Variants in EP300 observed in about 807,000 individuals in gnomAD.
The protein encoded by EP300 is histone acetyltransferase p300.
In EP300, 31 loss-of-function variants were observed where a neutral mutation model predicts 264.0. That is an observed-to-expected ratio of 0.12 (90% CI 0.09 to 0.16). The LOEUF is 0.16. Ranked by LOEUF, EP300 falls within the 10% of genes least tolerant of loss-of-function variation. The probability of loss-of-function intolerance (pLI) is 1.00; values close to 1 mark genes in which losing one functional copy is unlikely to be tolerated. For missense variants in EP300, 2,766 were observed against 3,052.9 expected, an observed-to-expected ratio of 0.91 and a Z score of 2.21; for synonymous variants, 1,340 against 1,045.4, an observed-to-expected ratio of 1.28 and a Z score of -5.44.
chr22:41,178,206 T>A lies in EP300; in HGVS notation c.6495T>A (p.Ala2165=), dbSNP rs150898820. Residue 2165 remains alanine (A), a synonymous_variant, in exon 31 of 31, where the codon GCT becomes GCA. Coordinates refer to ENST00000263253, the MANE Select transcript of EP300 (RefSeq NM_001429.4). ...CCATGGGAGGGATGAGCCCCCAGGC[T>A]CAGCAGATGAACATGAACCACAACA... The part of the protein sequence containing the change: ...QPPMGGMSPQ[A]QQMNMNHNTM... 1 of 1,613,796 alleles carries A rather than the reference T, an allele frequency of 6.2e-7. No homozygotes were observed. Among genetic ancestry groups the A allele is most frequent in the East Asian group, 2.2e-5 (1 of 44,834 alleles).
intron 1 of EP300, among the ~76,000 whole-genome samples, chr22:41,109,431 C>T (rs2058776551): frequency 6.6e-6 from 1 of 152,044 alleles, no homozygotes; most frequent in African/African-American, 2.4e-5. Context: ...GTATGAACTT[C>T]TGAGGTTGTT....
chr22:41,129,871 T>A lies in EP300; in HGVS notation c.1169-19T>A, dbSNP rs1041993716. 1 of 1,596,262 alleles carries A rather than the reference T, an allele frequency of 6.3e-7. No individual in the cohort carries two copies. The highest frequency in any genetic ancestry group is 1.7e-5 in the Admixed American group (1 of 59,984). On this transcript the variant is annotated intron_variant, in intron 4 of 30. Coordinates refer to ENST00000263253, the MANE Select transcript of EP300 (RefSeq NM_001429.4). ...AAACATTAACCTGCTCTTGAAAAAA[T>A]ATGTTTTCTTCTCTTTAGTGGCACA...
At position 41,174,875 on chromosome 22, in the gene EP300, T is replaced by C. The variant is rs188102682; in HGVS notation, c.4779+1091T>C. 3.9e-5 allele frequency: 6 copies of C among 152,302 alleles called. No individual in the cohort carries two copies. The East Asian group carries it at 7.7e-4, about 20-fold the overall frequency. The allele number at this position is 152,302 out of a possible 1,614,324, so 9.4% of individuals were successfully genotyped here. A position where few individuals can be genotyped will look rare whatever the true frequency, so the allele number is the denominator to read the frequency against. The stretch of plus-strand genomic sequence containing the variant: ...ATCTTTTTTAGAGAGGAATTTGTTA[T>C]AATGATGTTATCATGGTGAACACCT... On this transcript the variant is annotated intron_variant, in intron 29 of 30. Transcript: ENST00000263253.
At chr22:41,151,101 C>T (rs552291998) in intron 14 of EP300, among the ~76,000 whole-genome samples, 1 of 151,752 alleles carries the variant, frequency 6.6e-6, no homozygotes, top group African/African-American at 2.4e-5. Flanking sequence ...ACTTTGATAC[C>T]GATATTAATA....
chr22:41,178,564 C>T lies in EP300; in HGVS notation c.6853C>T (p.Leu2285Phe), dbSNP rs1046681500. 2 of 1,614,072 alleles carry T rather than the reference C, an allele frequency of 1.2e-6. No individual in the cohort carries two copies. The highest frequency in any genetic ancestry group is 1.7e-6 in the Non-Finnish European group (2 of 1,180,002). The stretch of plus-strand genomic sequence containing the variant: ...CCCCATGAGCCCCCAGCAGCATATG[C>T]TCCCAAATCAGGCCCAGTCCCCACA... ...PNPMSPQQHM[L>F]PNQAQSPHLQ... Residue 2285 changes from leucine to phenylalanine, a missense_variant, in exon 31 of 31, where the codon CTC becomes TTC. Leu to Phe is a conservative substitution (Grantham distance 22). Coordinates refer to ENST00000263253, the MANE Select transcript of EP300 (RefSeq NM_001429.4).
intron 1 of EP300, among the ~76,000 whole-genome samples, chr22:41,110,428 G>A (rs144368987): frequency 4.3e-3 from 635 of 149,070 alleles, no homozygotes; most frequent in Non-Finnish European, 7.3e-3. Flanking sequence ...GACTAGCTGG[G>A]ACTACAGGCA....
intron 13 of EP300, 105 bp from the exon 14 acceptor site, chr22:41,149,656 C>G: frequency 8.3e-7 from 1 of 1,204,240 alleles, no homozygotes. Flanking sequence ...CATTGCTACT[C>G]TTTGTTTAAT....
At chr22:41,140,090 C>G (rs780811427) in intron 8 of EP300, 50 bp from the exon 9 acceptor site, 48 of 1,323,268 alleles carry the variant, frequency 3.6e-5, no homozygotes, top group Non-Finnish European at 4.8e-5. Context: ...CAGAAAAATA[C>G]TAATTAAATG....
chr22:41,152,137 G>A (rs2059049591), intron 15 of EP300, 69 bp from the exon 16 acceptor site: 3 of 1,586,482 alleles, frequency 1.9e-6, no homozygotes, highest in Non-Finnish European at 2.6e-6. Flanking sequence ...GCATGAGAAA[G>A]GGTGTTCAGA....
chr22:41,141,283 A>G (rs1035099944), intron 10 of EP300, 61 bp downstream of exon 10: 11 of 1,547,096 alleles, frequency 7.1e-6, no homozygotes, highest in East Asian at 6.7e-5. Flanking sequence ...GTTTCTATCT[A>G]AAGTCATTAA....
intron 23 of EP300, among the ~76,000 whole-genome samples, chr22:41,168,063 G>T (rs898890580): frequency 4.0e-5 from 6 of 149,472 alleles, no homozygotes; most frequent in African/African-American, 1.5e-4. Context: ...CTCAGGTGAT[G>T]CGCCCACCTC....
At chr22:41,128,440 G>T (rs1315288945) in intron 4 of EP300, among the ~76,000 whole-genome samples, 1 of 151,806 alleles carries the variant, frequency 6.6e-6, no homozygotes, top group Non-Finnish European at 1.5e-5. Flanking sequence ...CAGCCTGGAC[G>T]ATAGAACCAA....
rs781369651 is a variant in EP300 at position 41,177,708 on chromosome 22, A to G, written c.5997A>G (p.Gly1999=). The change falls in exon 31 of 31, where the codon GGA becomes GGG. Residue 1999 remains glycine, a synonymous_variant. Coordinates refer to ENST00000263253, the MANE Select transcript of EP300 (RefSeq NM_001429.4). The part of the protein sequence containing the change: ...MQQQPPWSQG[G]LPQPQQLQSG... ...AACAGCCACCCTGGAGCCAAGGAGG[A>G]TTGCCTCAGCCCCAGCAACTACAGT... 4.3e-6 allele frequency: 7 copies of G among 1,613,782 alleles called. No individual in the cohort carries two copies. The highest frequency in any genetic ancestry group is 5.9e-6 in the Non-Finnish European group (7 of 1,180,006).
intron 1 of EP300, among the ~76,000 whole-genome samples, chr22:41,099,298 G>A (rs552024639): frequency 1.2e-4 from 18 of 152,116 alleles, no homozygotes; most frequent in African/African-American, 3.9e-4. Context: ...CTCCCAAAAT[G>A]TTGGGATTAC....
rs2145512510 is a variant in EP300, at chr22:41,176,315, T to A, written c.4848T>A (p.Asp1616Glu). ...ANSLPPIVDP[D>E]PLIPCDLMDG... ...CCCTGCCTCCCATTGTTGATCCTGA[T>A]CCTCTCATCCCCTGCGATCTGATGG... The change falls in exon 30 of 31, where the codon GAT (aspartate) becomes GAA (glutamate). Residue 1616 changes from aspartate (D) to glutamate (E), a missense_variant. Asp to Glu is a conservative substitution (Grantham distance 45). Transcript: ENST00000263253. 1.2e-6 allele frequency: 2 copies of A among 1,614,196 alleles called. No individual in the cohort carries two copies. Among genetic ancestry groups the A allele is most frequent in the Non-Finnish European group, 1.7e-6 (2 of 1,180,036 alleles).
In EP300 at chr22:41,095,232, A is replaced by ATT. The variant is rs66515117; in HGVS notation, c.94+2158_94+2159dup. Among the ~76,000 whole-genome samples, 714 of 80,208 alleles carry ATT rather than the reference A, an allele frequency of 8.9e-3. 21 individuals are homozygous for ATT. Among genetic ancestry groups the ATT allele is most frequent in the Non-Finnish European group, 0.011 (490 of 45,330 alleles). 52.6% of individuals were successfully genotyped at this position (80,208 alleles called of 152,430 possible). The stretch of plus-strand genomic sequence containing the variant: ...TTACTTCAAGTTGGGTACCATTGTA[A>ATT]TTTTTTTTTTTTTTTTTTTTTTTTT... On this transcript the variant is annotated intron_variant, in intron 1 of 30. Coordinates refer to ENST00000263253, the MANE Select transcript of EP300 (RefSeq NM_001429.4).
intron 8 of EP300, among the ~76,000 whole-genome samples, chr22:41,138,329 A>G (rs1461653806): frequency 6.6e-6 from 1 of 151,940 alleles, no homozygotes; most frequent in Non-Finnish European, 1.5e-5. Context: ...TCACCTGGCT[A>G]ATTTTTGTAT....
rs1949009016 is a variant in EP300, at chr22:41,178,968, AGTATTTTGGGAGC to A, written c.*13_*25del. ...TAGACATACACTAGAGACACCTTGTAGTATTTTGGGAGCAAAAAAATTATTTTCTCTTAACAAG... is the reference window on the plus strand; with the variant it reads ...TAGACATACACTAGAGACACCTTGTAAAAAAAATTATTTTCTCTTAACAAG... On this transcript the variant is annotated 3_prime_UTR_variant, in exon 31 of 31. Transcript: ENST00000263253. 1 of 851,126 alleles carries A rather than the reference AGTATTTTGGGAGC, an allele frequency of 1.2e-6. No homozygotes were observed. The highest frequency in any genetic ancestry group is 7.7e-5 in the Admixed American group (1 of 13,028). The allele number at this position is 851,126 out of a possible 1,614,324, so 52.7% of individuals were successfully genotyped here.
chr22:41,118,407 C>A (rs1204540786), intron 2 of EP300, among the ~76,000 whole-genome samples: 3 of 152,158 alleles, frequency 2.0e-5, no homozygotes, highest in African/African-American at 2.4e-5. Flanking sequence ...AATGTGGATC[C>A]TGTATACATA....
Sources: gnomAD v4.1 joint callset for allele counts (sites outside exome capture counted in the v4.1 genomes callset) on GRCh38, gnomAD v4.1.1 for gene constraint, MANE v1.5 for transcripts, NCBI Gene and HGNC (gene_info 2026-07-23, HGNC 2026-07-21) for gene names.